Variants in KLHL21 observed in about 807,000 individuals in gnomAD.
KLHL21 encodes kelch-like protein 21.
A neutral mutation model predicts 44.1 loss-of-function variants in KLHL21; 42 were observed. That is an observed-to-expected ratio of 0.95 (90% CI 0.74 to 1.23). The LOEUF is 1.23. Among genes scored for constraint, KLHL21 ranks in the 50% most tolerant of loss-of-function variants. The probability of loss-of-function intolerance (pLI) is 0.00; values close to 1 mark genes in which losing one functional copy is unlikely to be tolerated. For synonymous variants in KLHL21, 524 were observed against 411.6 expected (o/e 1.27, Z -3.31); for missense variants, 918 against 889.1 (o/e 1.03, Z -0.41).
rs138113060 is a variant in KLHL21 at position 6,595,498 on chromosome 1, G to C, written c.1487C>G (p.Pro496Arg). The change falls in exon 3 of 4, where the codon CCG (proline) becomes CGG (arginine). Residue 496 changes from proline to arginine, a missense_variant. Transcript: ENST00000377658. ...CTGAAAATTTACCTGATTCATGGAC[G>C]GGATCTTGTCCCATTCGTTCCTCGT... ...NPTRNEWDKI[P>R]SMNQVHVGGS... 6.2e-7 allele frequency: 1 copy of C among 1,614,116 alleles called. No individual in the cohort carries two copies. Among genetic ancestry groups the C allele is most frequent in the South Asian group, 1.1e-5 (1 of 91,064 alleles).
At chr1:6,600,104 G>T (rs531599318) in intron 1 of KLHL21, among the ~76,000 whole-genome samples, 1 of 151,896 alleles carries the variant, frequency 6.6e-6, no homozygotes, top group Admixed American at 6.6e-5. Flanking sequence ...GGAGTGCAGC[G>T]GCATGATCTC....
intron 3 of KLHL21, 133 bp from the exon 4 acceptor site, chr1:6,593,791 G>A (rs1570192394): frequency 5.0e-6 from 7 of 1,398,206 alleles, no homozygotes; most frequent in Non-Finnish European, 6.5e-6. Flanking sequence ...CCAGAAAGCA[G>A]CAGAGAGGCC....
chr1:6,598,306 G>T (rs1444539555), intron 2 of KLHL21, among the ~76,000 whole-genome samples: 1 of 152,130 alleles, frequency 6.6e-6, no homozygotes, highest in African/African-American at 2.4e-5. Context: ...GTGGTGGCTT[G>T]TGCCTATAAT....
Position 6,599,310 on chromosome 1 carries a change from G to C in KLHL21, c.1164C>G (p.Ala388=), listed in dbSNP as rs754369822. 2 of 1,613,934 alleles carry C rather than the reference G, an allele frequency of 1.2e-6. No homozygotes were observed. The highest frequency in any genetic ancestry group is 2.2e-5 in the South Asian group (2 of 91,086). ...SVLDGLLYVV[A]ADSTERYDHT... is the part of the protein sequence containing the mutation. Reference sequence around the variant, plus strand: ...GGTCATAGCGCTCGGTGCTGTCGGCGGCCACCACGTACAGCAGTCCGTCCA... The same window carrying C: ...GGTCATAGCGCTCGGTGCTGTCGGCCGCCACCACGTACAGCAGTCCGTCCA... The change falls in exon 2 of 4, where the codon GCC becomes GCG. Residue 388 remains alanine, a synonymous_variant. Coordinates refer to ENST00000377658, the MANE Select transcript of KLHL21 (RefSeq NM_014851.4).
chr1:6,601,019 G>C (rs1641008393), intron 1 of KLHL21, among the ~76,000 whole-genome samples: 2 of 152,204 alleles, frequency 1.3e-5, no homozygotes, highest in Admixed American at 1.3e-4. Context: ...CCACCTCCTT[G>C]CCTGATAACC....
chr1:6,595,421 G>T, intron 3 of KLHL21, 64 bp downstream of exon 3: 1 of 1,457,076 alleles, frequency 6.9e-7, no homozygotes, highest in South Asian at 1.2e-5. Flanking sequence ...TCATCACGAT[G>T]ACACTTGGGT....
intron 1 of KLHL21, among the ~76,000 whole-genome samples, chr1:6,600,580 C>T (rs1641002188): frequency 6.6e-6 from 1 of 152,206 alleles, no homozygotes; most frequent in South Asian, 2.1e-4. Context: ...TGAGCTCTGC[C>T]GGCCTCCTCC....
At chr1:6,598,240 G>C (rs1165960051) in intron 2 of KLHL21, among the ~76,000 whole-genome samples, 1 of 152,192 alleles carries the variant, frequency 6.6e-6, no homozygotes, top group Non-Finnish European at 1.5e-5. Context: ...TTTGAGACCA[G>C]CCGGGGCAAT....
intron 2 of KLHL21, among the ~76,000 whole-genome samples, chr1:6,596,831 C>A (rs994264591): frequency 6.6e-6 from 1 of 152,204 alleles, no homozygotes; most frequent in Non-Finnish European, 1.5e-5. Flanking sequence ...GTACCAGAAC[C>A]AAGGGGAGGG....
Position 6,602,060 on chromosome 1 carries a change from A to G in KLHL21, c.758T>C (p.Leu253Pro). The G allele has an allele frequency of 6.6e-7, 1 of 1,516,006 alleles. No individual in the cohort carries two copies. Among genetic ancestry groups the G allele is most frequent in the Non-Finnish European group, 8.8e-7 (1 of 1,132,444 alleles). The allele number at this position is 1,516,006 out of a possible 1,614,324, so 93.9% of individuals were successfully genotyped here. A position where few individuals can be genotyped will look rare whatever the true frequency, so the allele number is the denominator to read the frequency against. The stretch of plus-strand genomic sequence containing the variant: ...CTGGAAGTCGCGCGCCTCGCGCAGC[A>G]GGCGCAGGCAGGGTGGGCAGCGCGC... ...LVARCPPCLR[L>P]LREARDFQAA... The change falls in exon 1 of 4, where the codon CTG becomes CCG. Residue 253 changes from leucine to proline, a missense_variant. By Grantham distance (98) the Leu-to-Pro change is moderately conservative (BLOSUM62 -3). Transcript: ENST00000377658.
chr1:6,592,089 G>C lies in KLHL21; in HGVS notation c.*1276C>G, dbSNP rs1640858887. The C allele has an allele frequency of 1.3e-5, 2 of 152,320 alleles. No homozygotes were observed. The highest frequency in any genetic ancestry group is 4.1e-4 in the South Asian group (2 of 4,836). The allele number at this position is 152,320 out of a possible 1,614,324, so 9.4% of individuals were successfully genotyped here. A position where few individuals can be genotyped will look rare whatever the true frequency, so the allele number is the denominator to read the frequency against. The stretch of plus-strand genomic sequence containing the variant: ...GGAGAGGCCAGGCAGCCCTGTCAGG[G>C]GTCCTGGGACATATTAAGGCAACCA... On this transcript the variant is annotated 3_prime_UTR_variant, in exon 4 of 4. Transcript: ENST00000377658.
intron 1 of KLHL21, 107 bp from the exon 2 acceptor site, chr1:6,599,559 A>T (rs1451823278): frequency 2.2e-5 from 26 of 1,170,600 alleles, no homozygotes; most frequent in Admixed American, 2.6e-5. Flanking sequence ...AATTAACATC[A>T]CTGGGCTTCA....
intron 3 of KLHL21, chr1:6,594,935 C>A: frequency 6.0e-6 from 1 of 165,458 alleles, no homozygotes. Context: ...TGGCACACGC[C>A]TGTAGTCTCA....
At chr1:6,597,858 G>A (rs1363436003) in intron 2 of KLHL21, among the ~76,000 whole-genome samples, 1 of 152,260 alleles carries the variant, frequency 6.6e-6, no homozygotes, top group African/African-American at 2.4e-5. Context: ...GGAGCAGCAG[G>A]ATTATGTGAA....
chr1:6,599,511 C>G, intron 1 of KLHL21, 59 bp from the exon 2 acceptor site: 1 of 1,509,840 alleles, frequency 6.6e-7, no homozygotes, highest in South Asian at 1.3e-5. Context: ...CCCACCTGCA[C>G]CCTCCCGAAC....
Position 6,593,536 on chromosome 1 carries a change from G to A in KLHL21, c.1623C>T (p.Ser541=), listed in dbSNP as rs1054494755. 3.1e-6 allele frequency: 5 copies of A among 1,613,792 alleles called. No individual in the cohort carries two copies. The highest frequency in any genetic ancestry group is 2.7e-5 in the African/African-American group (2 of 74,926). The change falls in exon 4 of 4, where the codon AGC becomes AGT. Residue 541 remains serine (S), a synonymous_variant. Transcript: ENST00000377658. ...EAYDPETRAW[S]VVGRLPEPTF... Reference sequence around the variant, plus strand: ...TGGGTTCTGGGAGCCGCCCCACCACGCTCCACGCGCGAGTCTCTGGGTCAT... The same window carrying A: ...TGGGTTCTGGGAGCCGCCCCACCACACTCCACGCGCGAGTCTCTGGGTCAT...
chr1:6,600,749 C>T (rs1214472179), intron 1 of KLHL21, among the ~76,000 whole-genome samples: 1 of 152,244 alleles, frequency 6.6e-6, no homozygotes, highest in African/African-American at 2.4e-5. Flanking sequence ...CTCAAAGCCA[C>T]TGGTCAGACT....
intron 1 of KLHL21, among the ~76,000 whole-genome samples, chr1:6,601,576 G>A (rs1398672042): frequency 6.6e-6 from 1 of 152,214 alleles, no homozygotes; most frequent in Non-Finnish European, 1.5e-5. Context: ...GGCCGCACGG[G>A]GCACAGAGAC....
At chr1:6,598,900 AAAAC>A in intron 2 of KLHL21, 143 bp downstream of exon 2, 4 of 857,078 alleles carry the variant, frequency 4.7e-6, no homozygotes, top group East Asian at 2.8e-5. Context: ...AAACAAAACA[AAAAC>A]AAAGAGACAG....
Sources: gnomAD v4.1 joint callset for allele counts (sites outside exome capture counted in the v4.1 genomes callset) on GRCh38, gnomAD v4.1.1 for gene constraint, MANE v1.5 for transcripts, NCBI Gene and HGNC (gene_info 2026-07-23, HGNC 2026-07-21) for gene names.